Variants in AFF2 observed in about 807,000 individuals in gnomAD.
The protein encoded by AFF2 is ALF transcription elongation factor 2, also known as AF4/FMR2 family member 2.
AFF2 carries 14 observed loss-of-function variants against 76.9 expected under a neutral mutation model. The ratio of observed to expected loss-of-function variants is 0.18; its 90% CI spans 0.12 to 0.28. The LOEUF is 0.28. Among genes scored for constraint, AFF2 ranks in the 10% least tolerant of loss-of-function variants. The pLI is 1.00. For missense variants in AFF2, 868 were observed against 1,001.1 expected (o/e 0.87, Z 1.79); for synonymous variants, 398 against 366.7 (o/e 1.09, Z -0.98).
At chrX:148,886,861 G>A (rs1297813635) in intron 8 of AFF2, among the ~76,000 whole-genome samples, 2 of 112,297 alleles carry the variant, frequency 1.8e-5, no homozygotes, top group African/African-American at 3.2e-5. Context: ...TCATGCACTC[G>A]TATTTCAAGA....
At chrX:148,912,825 A>C (rs1251536344) in intron 9 of AFF2, among the ~76,000 whole-genome samples, 1 of 111,510 alleles carries the variant, frequency 9.0e-6, no homozygotes, top group Non-Finnish European at 1.9e-5. Context: ...AGTGAGATAC[A>C]TGAAGCTAAG....
At chrX:148,796,820 G>A (rs2069989879) in intron 3 of AFF2, among the ~76,000 whole-genome samples, 1 of 112,207 alleles carries the variant, frequency 8.9e-6, no homozygotes, top group Non-Finnish European at 1.9e-5. Context: ...GTTTTGGCTT[G>A]AAATTTATTG....
intron 3 of AFF2, among the ~76,000 whole-genome samples, chrX:148,664,818 G>A (rs782583196): frequency 8.9e-6 from 1 of 112,380 alleles, no homozygotes; most frequent in Non-Finnish European, 1.9e-5. Context: ...ACAATTGCTA[G>A]GAAATCCATC....
At position 148,767,707 on chromosome X, in the gene AFF2, A is replaced by G. The variant is rs144893640; in HGVS notation, c.1042-42169A>G. Among the ~76,000 whole-genome samples, 278 of 112,328 alleles carry G rather than the reference A, an allele frequency of 2.5e-3. 2 individuals are homozygous for G. Among genetic ancestry groups the G allele is most frequent in the African/African-American group, 8.7e-3 (269 of 30,976 alleles). ...TTGATAGGGGGTGATTATTGGCATTACCAACTCAGTTGGGTATTCTTAATG... is the reference window on the plus strand; with the variant it reads ...TTGATAGGGGGTGATTATTGGCATTGCCAACTCAGTTGGGTATTCTTAATG... On this transcript the variant is annotated intron_variant, in intron 3 of 20. Coordinates refer to ENST00000370460, the MANE Select transcript of AFF2 (RefSeq NM_002025.4).
At chrX:148,576,136 T>C (rs2053285028) in intron 1 of AFF2, among the ~76,000 whole-genome samples, 1 of 111,751 alleles carries the variant, frequency 8.9e-6, no homozygotes, top group Admixed American at 9.6e-5. Flanking sequence ...CAGCACCTAT[T>C]ACAATTATTG....
At chrX:148,803,954 A>G (rs927832129) in intron 3 of AFF2, among the ~76,000 whole-genome samples, 5 of 111,318 alleles carry the variant, frequency 4.5e-5, no homozygotes, top group African/African-American at 1.6e-4. Context: ...GAGACTCTTT[A>G]CACACTGGGA....
chrX:148,577,883 CT>C lies in AFF2; in HGVS notation c.48-74115del, dbSNP rs781853736. 6.8e-3 allele frequency among the ~76,000 whole-genome samples: 765 copies of C among 111,962 alleles called. 4 individuals are homozygous for C. Among genetic ancestry groups the C allele is most frequent in the Non-Finnish European group, 0.012 (629 of 53,117 alleles). ...ATTAGGGCCCACCTACTTTGCACCC[CT>C]GAGGCTGTGCCTGTGCTTTCATTAG... On this transcript the variant is annotated intron_variant, in intron 1 of 20. Transcript: ENST00000370460.
intron 18 of AFF2, among the ~76,000 whole-genome samples, 158 bp from the exon 19 acceptor site, chrX:148,980,580 C>T (rs782132917): frequency 9.0e-6 from 1 of 111,531 alleles, no homozygotes; most frequent in South Asian, 3.8e-4. Flanking sequence ...ATCGAGTGTG[C>T]GTCGTGGTGT....
chrX:148,915,293 C>T (rs2071514960), intron 9 of AFF2, among the ~76,000 whole-genome samples: 1 of 112,338 alleles, frequency 8.9e-6, no homozygotes, highest in Non-Finnish European at 1.9e-5. Context: ...TGTTTATATA[C>T]TCTATATCAG....
chrX:148,616,638 T>C (rs1466314457), intron 1 of AFF2, among the ~76,000 whole-genome samples: 1 of 110,763 alleles, frequency 9.0e-6, no homozygotes, highest in Non-Finnish European at 1.9e-5. Flanking sequence ...GTTTGTTACA[T>C]ATGTGTACAT....
chrX:148,654,473 G>A (rs1443668306), intron 2 of AFF2, among the ~76,000 whole-genome samples: 1 of 111,283 alleles, frequency 9.0e-6, no homozygotes, highest in Admixed American at 9.6e-5. Flanking sequence ...AGAAAGATAA[G>A]TTAGAAAGTA....
intron 9 of AFF2, among the ~76,000 whole-genome samples, chrX:148,937,618 A>T (rs1557285154): frequency 8.9e-6 from 1 of 112,037 alleles, no homozygotes; most frequent in African/African-American, 3.2e-5. Flanking sequence ...AAGCTTGTAC[A>T]AACAAGCGCA....
intron 1 of AFF2, among the ~76,000 whole-genome samples, chrX:148,558,048 A>C (rs1275442933): frequency 8.9e-6 from 1 of 111,937 alleles, no homozygotes; most frequent in African/African-American, 3.2e-5. Flanking sequence ...TGATAAACAC[A>C]TGCATCCTGA....
At chrX:148,584,054 T>G in intron 1 of AFF2, among the ~76,000 whole-genome samples, 1 of 112,405 alleles carries the variant, frequency 8.9e-6, no homozygotes, top group South Asian at 3.7e-4. Flanking sequence ...TTTGCTTATT[T>G]CTGTTTGAAT....
At chrX:148,786,689 G>C (rs2069825000) in intron 3 of AFF2, among the ~76,000 whole-genome samples, 1 of 112,162 alleles carries the variant, frequency 8.9e-6, no homozygotes, top group Non-Finnish European at 1.9e-5. Flanking sequence ...TATAACTAAA[G>C]AAGGTCACAC....
chrX:148,914,225 G>A (rs1461888025), intron 9 of AFF2, among the ~76,000 whole-genome samples: 1 of 111,466 alleles, frequency 9.0e-6, no homozygotes, highest in Non-Finnish European at 1.9e-5. Flanking sequence ...TTTTCAAAAG[G>A]CACTAAGAGA....
intron 3 of AFF2, among the ~76,000 whole-genome samples, chrX:148,774,495 C>T (rs1221566296): frequency 9.0e-6 from 1 of 111,419 alleles, no homozygotes; most frequent in Non-Finnish European, 1.9e-5. Context: ...CTCTCCTTTT[C>T]CCTCTTCCTT....
intron 9 of AFF2, among the ~76,000 whole-genome samples, chrX:148,920,906 CATT>C (rs2071587476): frequency 9.1e-6 from 1 of 110,290 alleles, no homozygotes; most frequent in African/African-American, 3.3e-5. Context: ...TAAGGAAAGT[CATT>C]GCTGTGTAAG....
At chrX:148,842,303 C>G (rs1040088137) in intron 5 of AFF2, among the ~76,000 whole-genome samples, 2 of 112,577 alleles carry the variant, frequency 1.8e-5, no homozygotes, top group African/African-American at 6.4e-5. Context: ...CTGGATTTCT[C>G]AAAACAGTGA....
Sources: gnomAD v4.1 joint callset for allele counts (sites outside exome capture counted in the v4.1 genomes callset) on GRCh38, gnomAD v4.1.1 for gene constraint, MANE v1.5 for transcripts, NCBI Gene and HGNC (gene_info 2026-07-23, HGNC 2026-07-21) for gene names.